Variants in ZNF410 observed in about 807,000 individuals in gnomAD.
ZNF410 encodes zinc finger protein 410, also known as another partner for ARF 1.
Under a neutral mutation model 54.8 loss-of-function variants are expected in ZNF410, and 18 were observed. The ratio of observed to expected loss-of-function variants is 0.33; its 90% CI spans 0.23 to 0.49. ZNF410 has a LOEUF of 0.49. Ranked by LOEUF, ZNF410 falls within the 20% of genes least tolerant of loss-of-function variation. The probability of loss-of-function intolerance (pLI) is 0.99; values close to 1 mark genes in which losing one functional copy is unlikely to be tolerated. For missense variants in ZNF410, 405 were observed against 569.6 expected (o/e 0.71, Z 2.94); for synonymous variants, 191 against 207.3 (o/e 0.92, Z 0.68).
rs1225684701 is a variant in ZNF410, at chr14:73,896,363, G to A, written c.217G>A (p.Ala73Thr). ...SNSSKEVPSS[A>T]VLRSLRVNVG... is the part of the protein sequence containing the mutation. Reference sequence around the variant, plus strand: ...CTCCTCCAAGGAGGTCCCTTCCTCAGCTGTTTTGAGAAGCCTTCGGGTGAA... The same window carrying A: ...CTCCTCCAAGGAGGTCCCTTCCTCAACTGTTTTGAGAAGCCTTCGGGTGAA... Residue 73 changes from alanine (A) to threonine (T), a missense_variant, in exon 4 of 12, where the codon GCT becomes ACT. By Grantham distance (58) the Ala-to-Thr change is moderately conservative. Transcript: ENST00000555044. 6.2e-7 allele frequency: 1 copy of A among 1,614,172 alleles called. No homozygotes were observed. Among genetic ancestry groups the A allele is most frequent in the African/African-American group, 1.3e-5 (1 of 75,040 alleles).
At chr14:73,923,642 C>T (rs1337942692) in intron 11 of ZNF410, 120 bp downstream of exon 11, 36 of 1,340,690 alleles carry the variant, frequency 2.7e-5, no homozygotes, top group Non-Finnish European at 3.2e-5. Context: ...CGAATATTTT[C>T]CTTTAAATTA....
At chr14:73,905,962 C>CAT (rs2055479204) in intron 7 of ZNF410, among the ~76,000 whole-genome samples, 1 of 22,960 alleles carries the variant, frequency 4.4e-5, no homozygotes, top group African/African-American at 1.1e-4. Flanking sequence ...CACACACACA[C>CAT]ACACACATAT....
At chr14:73,925,674 C>T (rs1159896378) in intron 11 of ZNF410, among the ~76,000 whole-genome samples, 1 of 152,106 alleles carries the variant, frequency 6.6e-6, no homozygotes, top group Admixed American at 6.6e-5. Context: ...GTGATCCACC[C>T]GCCTCAGCCT....
chr14:73,910,932 C>G (rs2055568084), intron 8 of ZNF410, among the ~76,000 whole-genome samples: 1 of 150,420 alleles, frequency 6.6e-6, no homozygotes, highest in Non-Finnish European at 1.5e-5. Flanking sequence ...CAGGCTGACT[C>G]ACATATTTAT....
At chr14:73,915,677 T>C (rs899677620) in intron 8 of ZNF410, 8 of 152,146 alleles carry the variant, frequency 5.3e-5, no homozygotes, top group South Asian at 2.1e-4. Context: ...AGTTTTTTCA[T>C]AGATGCCCTT....
In ZNF410 at chr14:73,904,072, A is replaced by G. The variant is rs2055446652; in HGVS notation, c.693A>G (p.Val231=). Residue 231 remains valine (V), a synonymous_variant, in exon 6 of 12, where the codon GTA becomes GTG. Coordinates refer to ENST00000555044, the MANE Select transcript of ZNF410 (RefSeq NM_021188.3). ...CTVEGCDRTF[V]WPAHFKYHLK... ...TTGAAGGTTGTGACCGGACATTTGT[A>G]TGGCCAGCTCACTTTAAATACCACC... The G allele has an allele frequency of 1.9e-6, 3 of 1,614,024 alleles. No individual in the cohort carries two copies. The highest frequency in any genetic ancestry group is 2.5e-6 in the Non-Finnish European group (3 of 1,180,028).
intron 8 of ZNF410, among the ~76,000 whole-genome samples, chr14:73,910,219 G>A (rs1191331310): frequency 6.6e-6 from 1 of 152,170 alleles, no homozygotes; most frequent in Non-Finnish European, 1.5e-5. Context: ...ATGAGAACTT[G>A]GCTTACTGAA....
At position 73,904,030 on chromosome 14, in the gene ZNF410, G is replaced by A. The variant is rs2055445999; in HGVS notation, c.651G>A (p.Lys217=). The A allele has an allele frequency of 1.9e-6, 3 of 1,614,052 alleles. No homozygotes were observed. Among genetic ancestry groups the A allele is most frequent in the Non-Finnish European group, 2.5e-6 (3 of 1,180,052 alleles). ...CTGGGCCCCTTCCTCAAGTGGAAAAGAAGCTCAAGTGTACAGTTGAAGGTT... is the reference window on the plus strand; with the variant it reads ...CTGGGCCCCTTCCTCAAGTGGAAAAAAAGCTCAAGTGTACAGTTGAAGGTT... ...KDSGPLPQVE[K]KLKCTVEGCD... Residue 217 remains lysine, a synonymous_variant, in exon 6 of 12, where the codon AAG becomes AAA. Coordinates refer to ENST00000555044, the MANE Select transcript of ZNF410 (RefSeq NM_021188.3).
At chr14:73,903,654 T>TTTTGTTTG (rs1030826486) in intron 5 of ZNF410, 1 of 302,796 alleles carries the variant, frequency 3.3e-6, no homozygotes, top group Non-Finnish European at 6.2e-6. Context: ...CCTGTCTAAT[T>TTTTGTTTG]TTTGTTTGTT....
chr14:73,931,756 T>A lies in ZNF410; in HGVS notation c.*215T>A. On this transcript the variant is annotated 3_prime_UTR_variant, in exon 12 of 12. Coordinates refer to ENST00000555044, the MANE Select transcript of ZNF410 (RefSeq NM_021188.3). ...ATCAGACAAGGAATGAAGCAATGACTGTGGGCTGGGAAACTGTACCTACCT... is the reference window on the plus strand; with the variant it reads ...ATCAGACAAGGAATGAAGCAATGACAGTGGGCTGGGAAACTGTACCTACCT... 1.8e-6 allele frequency: 1 copy of A among 561,290 alleles called. No homozygotes were observed. The allele number at this position is 561,290 out of a possible 1,614,324, so 34.8% of individuals were successfully genotyped here. A position where few individuals can be genotyped will look rare whatever the true frequency, so the allele number is the denominator to read the frequency against.
intron 1 of ZNF410, among the ~76,000 whole-genome samples, chr14:73,889,391 C>T (rs1349933475): frequency 1.4e-5 from 2 of 145,930 alleles, no homozygotes; most frequent in African/African-American, 5.1e-5. Flanking sequence ...GAGATCGCGC[C>T]ACTGCACTCC....
At chr14:73,921,755 TTTAA>T (rs1172462829) in intron 9 of ZNF410, among the ~76,000 whole-genome samples, 2 of 152,246 alleles carry the variant, frequency 1.3e-5, no homozygotes, top group African/African-American at 4.8e-5. Context: ...GATAACTCTT[TTTAA>T]TTCTTATTCC....
chr14:73,918,621 G>A (rs1287108160), intron 8 of ZNF410, among the ~76,000 whole-genome samples: 1 of 147,552 alleles, frequency 6.8e-6, no homozygotes, highest in African/African-American at 2.5e-5. Flanking sequence ...TCTTTCTCCA[G>A]CCCCTGGCAA....
intron 5 of ZNF410, among the ~76,000 whole-genome samples, chr14:73,899,675 A>G (rs72627121): frequency 0.068 from 10,290 of 152,154 alleles, 873 homozygotes; most frequent in East Asian, 0.44. Context: ...TGGCACCATC[A>G]TTTACTGGTT....
chr14:73,905,980 T>C (rs201466521), intron 7 of ZNF410, among the ~76,000 whole-genome samples: 48,974 of 143,500 alleles, frequency 0.34, 10,010 homozygotes, highest in Non-Finnish European at 0.43. Flanking sequence ...TATATATATA[T>C]ATATATATAT....
At chr14:73,896,867 C>T (rs1031300858) in intron 4 of ZNF410, among the ~76,000 whole-genome samples, 1 of 152,126 alleles carries the variant, frequency 6.6e-6, no homozygotes, top group African/African-American at 2.4e-5. Flanking sequence ...GAGTTAGAAA[C>T]ATGAATCCAG....
At chr14:73,889,447 A>C (rs976776269) in intron 1 of ZNF410, among the ~76,000 whole-genome samples, 1 of 151,710 alleles carries the variant, frequency 6.6e-6, no homozygotes, top group Non-Finnish European at 1.5e-5. Flanking sequence ...AAAAAAAAAA[A>C]AAAAAAGAAA....
At chr14:73,894,519 C>CGGG in intron 3 of ZNF410, 1 of 667,298 alleles carries the variant, frequency 1.5e-6, no homozygotes, top group South Asian at 1.6e-5. Context: ...CCTCCCCTCC[C>CGGG]AGGTTCAAGC....
chr14:73,928,969 T>G (rs2055873174), intron 11 of ZNF410, among the ~76,000 whole-genome samples: 1 of 151,940 alleles, frequency 6.6e-6, no homozygotes, highest in Non-Finnish European at 1.5e-5. Flanking sequence ...GGAAGTATGG[T>G]CTTCACTCCA....
Sources: allele counts gnomAD v4.1 joint callset (sites outside exome capture counted in the v4.1 genomes callset), GRCh38; gene constraint gnomAD v4.1.1; transcripts MANE v1.5; gene names NCBI Gene and HGNC (gene_info 2026-07-23, HGNC 2026-07-21).